Variants in PDIA6 observed in about 807,000 individuals in gnomAD.
PDIA6 encodes the protein protein disulfide isomerase family A member 6, also known as protein disulfide-isomerase A6.
In PDIA6, 29 loss-of-function variants were observed where a neutral mutation model predicts 58.4. That is an observed-to-expected ratio of 0.50 (90% confidence interval 0.37 to 0.68). PDIA6 has a LOEUF of 0.68. Among genes scored for constraint, PDIA6 ranks in the 30% least tolerant of loss-of-function variants. PDIA6 has a pLI of 0.00. For synonymous variants in PDIA6, 192 were observed against 202.6 expected, an observed-to-expected ratio of 0.95 and a Z score of 0.44; for missense variants, 480 against 551.0, an observed-to-expected ratio of 0.87 and a Z score of 1.29.
upstream of PDIA6, among the ~76,000 whole-genome samples, chr2:10,817,739 G>A (rs1667242988): frequency 6.6e-6 from 1 of 152,238 alleles, no homozygotes; most frequent in South Asian, 2.1e-4. Flanking sequence ...GGCCACTGGA[G>A]CAGTGACAGG....
chr2:10,786,399 C>T (rs1665759317), intron 11 of PDIA6, among the ~76,000 whole-genome samples: 1 of 152,054 alleles, frequency 6.6e-6, no homozygotes, highest in African/African-American at 2.4e-5. Context: ...CACAGTCTGC[C>T]CCCCGCCGGC....
At chr2:10,789,646 G>A in intron 8 of PDIA6, 103 bp downstream of exon 8, 1 of 1,013,816 alleles carries the variant, frequency 9.9e-7, no homozygotes, top group Non-Finnish European at 1.5e-6. Context: ...TTTAAAGAGA[G>A]TATCTTTAAG....
Position 10,799,222 on chromosome 2 carries a change from A to T in PDIA6, c.162-1465T>A, listed in dbSNP as rs987641098. 2.0e-5 allele frequency among the ~76,000 whole-genome samples: 3 copies of T among 149,538 alleles called. 1 individual carries two copies. The South Asian group carries it at 6.4e-4, about 32-fold the overall frequency. On this transcript the variant is annotated intron_variant, in intron 2 of 12. Coordinates refer to ENST00000272227, the MANE Select transcript of PDIA6 (RefSeq NM_005742.4). ...CTGTTTATTTTTATTGCTGTGTAAC[A>T]TTCACTGTATGCAGACACCATAGTT... is the stretch of plus-strand genomic sequence containing the variant.
At chr2:10,802,367 C>T in intron 2 of PDIA6, 132 bp downstream of exon 2, 1 of 498,804 alleles carries the variant, frequency 2.0e-6, no homozygotes, top group Non-Finnish European at 3.3e-6. Context: ...TTTCCCATTT[C>T]CCTCTTCTCT....
At chr2:10,800,749 C>T (rs950812567) in intron 2 of PDIA6, among the ~76,000 whole-genome samples, 3 of 151,926 alleles carry the variant, frequency 2.0e-5, no homozygotes, top group African/African-American at 4.8e-5. Flanking sequence ...CACAAGTACA[C>T]GGCACCACGT....
rs142274913 is a variant in PDIA6, at chr2:10,787,922, C to T, written c.999-483G>A. Among the ~76,000 whole-genome samples, 737 of 152,072 alleles carry T rather than the reference C, an allele frequency of 4.8e-3. 4 individuals are homozygous for T. The highest frequency in any genetic ancestry group is 0.017 in the African/African-American group (708 of 41,486). ...CTCTACTAAAATCACAAAAATTAGCCGGGCATGGTGGCGTGCGCCTGTAGT... is the reference window on the plus strand; with the variant it reads ...CTCTACTAAAATCACAAAAATTAGCTGGGCATGGTGGCGTGCGCCTGTAGT... On this transcript the variant is annotated intron_variant, in intron 10 of 12. Coordinates refer to ENST00000272227, the MANE Select transcript of PDIA6 (RefSeq NM_005742.4).
chr2:10,795,542 A>G (rs1351841619), intron 4 of PDIA6, among the ~76,000 whole-genome samples: 1 of 152,184 alleles, frequency 6.6e-6, no homozygotes, highest in African/African-American at 2.4e-5. Context: ...TGCCAACGAC[A>G]CATATTTGCC....
At chr2:10,833,533 C>T (rs1667759781), upstream of PDIA6, among the ~76,000 whole-genome samples, 1 of 152,172 alleles carries the variant, frequency 6.6e-6, no homozygotes, top group African/African-American at 2.4e-5. Flanking sequence ...GGCTCATTCC[C>T]TGACTTCTGC....
At chr2:10,828,503 C>T (rs1426649570) in intron 1 of PDIA6, among the ~76,000 whole-genome samples, 8 of 152,252 alleles carry the variant, frequency 5.3e-5, no homozygotes, top group Admixed American at 1.3e-4. Flanking sequence ...CAGAGGAATG[C>T]GAGGGTCTGT....
rs573874621 is a variant in PDIA6 at position 10,786,467 on chromosome 2, A to G, written c.1157+814T>C. Among the ~76,000 whole-genome samples the G allele has an allele frequency of 5.9e-5, 9 of 152,182 alleles. No individual in the cohort carries two copies. In the South Asian group the frequency reaches 1.9e-3, roughly 32 times the overall value. ...CTCCATGCCTCCCACTTCACTACTC[A>G]AGGCAGAGCTGTGACTGAGGCACCT... On this transcript the variant is annotated intron_variant, in intron 11 of 12. Coordinates refer to ENST00000272227, the MANE Select transcript of PDIA6 (RefSeq NM_005742.4).
At chr2:10,795,887 T>A (rs963133082) in intron 4 of PDIA6, among the ~76,000 whole-genome samples, 1 of 152,192 alleles carries the variant, frequency 6.6e-6, no homozygotes, top group African/African-American at 2.4e-5. Context: ...AAACCTAAGA[T>A]GACAAAGTTC....
At chr2:10,818,458 T>G (rs1447401713) in intron 2 of PDIA6, among the ~76,000 whole-genome samples, 2 of 151,480 alleles carry the variant, frequency 1.3e-5, no homozygotes, top group African/African-American at 4.8e-5. Flanking sequence ...TGAGCCACTG[T>G]GCCCAGCTCA....
chr2:10,787,138 T>C, intron 11 of PDIA6, 143 bp downstream of exon 11: 1 of 728,654 alleles, frequency 1.4e-6, no homozygotes, highest in Non-Finnish European at 2.3e-6. Flanking sequence ...AACTCTAATG[T>C]ATAAACATTC....
chr2:10,807,658 CA>C (rs1304051707), intron 1 of PDIA6, among the ~76,000 whole-genome samples: 2 of 152,160 alleles, frequency 1.3e-5, no homozygotes, highest in Admixed American at 6.5e-5. Context: ...GTTACATTTT[CA>C]CATGCTTGCT....
Position 10,790,786 on chromosome 2 carries a change from G to A in PDIA6, c.632C>T (p.Thr211Met), listed in dbSNP as rs1191878101. The part of the protein sequence containing the change: ...AAAASEVKEQ[T>M]KGKVKLAAVD... ...AGCTGCCAGTTTCACTTTTCCTTTC[G>A]TCTGCTCTTTTACTTCTGAAGCTGC... is the stretch of plus-strand genomic sequence containing the variant. Residue 211 changes from threonine to methionine, a missense_variant, in exon 7 of 13, where the codon ACG becomes ATG. By Grantham distance (81) the Thr-to-Met change is moderately conservative (BLOSUM62 -1). Transcript: ENST00000272227. 18 of 1,613,948 alleles carry A rather than the reference G, an allele frequency of 1.1e-5. No individual in the cohort carries two copies. Among genetic ancestry groups the A allele is most frequent in the Admixed American group, 1.7e-5 (1 of 60,010 alleles).
rs193083396 is a variant in PDIA6, at chr2:10,822,330, T to C, written c.-47-2976A>G. Among the ~76,000 whole-genome samples the C allele has an allele frequency of 6.6e-5, 10 of 152,052 alleles. No individual in the cohort carries two copies. In the East Asian group the frequency reaches 1.7e-3, roughly 27 times the overall value. Reference sequence around the variant, plus strand: ...CAGGCTGGAGTGCAGTGGCGCGATCTAGGCTCACTGCAAGCTCCGCCTCCC... The same window carrying C: ...CAGGCTGGAGTGCAGTGGCGCGATCCAGGCTCACTGCAAGCTCCGCCTCCC... On this transcript the variant is annotated intron_variant, in intron 1 of 13. Coordinates refer to the PDIA6 transcript ENST00000381611.
rs759381501 is a variant in PDIA6 at position 10,812,730 on chromosome 2, C to G, written c.-34G>C. 2.7e-6 allele frequency: 4 copies of G among 1,492,648 alleles called. No homozygotes were observed. In the South Asian group the frequency reaches 4.9e-5, roughly 18 times the overall value. The allele number at this position is 1,492,648 out of a possible 1,614,324, so 92.5% of individuals were successfully genotyped here. ...CCGGGCTACGTGCAGTCCCCACCGC[C>G]GCCGCCGCTTCAGCCCTGCAGCGTG... On this transcript the variant is annotated 5_prime_UTR_variant, in exon 1 of 13. Coordinates refer to ENST00000272227, the MANE Select transcript of PDIA6 (RefSeq NM_005742.4).
At chr2:10,806,649 A>AGAAAGAAAGAAAG (rs1283823871) in intron 1 of PDIA6, among the ~76,000 whole-genome samples, 7 of 134,236 alleles carry the variant, frequency 5.2e-5, no homozygotes, top group Admixed American at 1.5e-4. Flanking sequence ...AAAGAAAGAA[A>AGAAAGAAAGAAAG]AACGTTACAG....
chr2:10,798,514 G>A (rs1235256664), intron 2 of PDIA6, among the ~76,000 whole-genome samples: 1 of 150,804 alleles, frequency 6.6e-6, no homozygotes, highest in African/African-American at 2.4e-5. Context: ...GTTGCAGTGA[G>A]CTGAGATCGT....
Sources: allele counts gnomAD v4.1 joint callset (sites outside exome capture counted in the v4.1 genomes callset), GRCh38; gene constraint gnomAD v4.1.1; transcripts MANE v1.5; gene names NCBI Gene and HGNC (gene_info 2026-07-23, HGNC 2026-07-21).